HSD17B13: variants seen among roughly 807,000 people sequenced by gnomAD.
HSD17B13 encodes the protein hydroxysteroid 17-beta dehydrogenase 13.
HSD17B13 carries 26 observed loss-of-function variants against 31.1 expected under a neutral mutation model. That is an observed-to-expected ratio of 0.84 (90% CI 0.61 to 1.16). The LOEUF (loss-of-function observed/expected upper bound fraction) is 1.16. Ranked by LOEUF, HSD17B13 falls within the 50% of genes most tolerant of loss-of-function variation. HSD17B13 has a pLI of 0.00. For synonymous variants in HSD17B13, 141 were observed against 133.7 expected (o/e 1.05, Z -0.38); for missense variants, 374 against 366.5 (o/e 1.02, Z -0.17).
intron 6 of HSD17B13, among the ~76,000 whole-genome samples, chr4:87,308,868 T>C (rs1734454339): frequency 7.6e-6 from 1 of 131,418 alleles, no homozygotes; most frequent in South Asian, 2.3e-4. Context: ...ATGTAGCTAT[T>C]AAAGAAATTA....
chr4:87,320,249 T>G (rs1369005925), intron 1 of HSD17B13, among the ~76,000 whole-genome samples: 1 of 152,146 alleles, frequency 6.6e-6, no homozygotes, highest in Non-Finnish European at 1.5e-5. Context: ...TTTCACTGAT[T>G]TAGTTGGTAG....
rs57491954 is a variant in HSD17B13 at position 87,308,932 on chromosome 4, CA to C, written c.812+1310del. Among the ~76,000 whole-genome samples, 314 of 126,970 alleles carry C rather than the reference CA, an allele frequency of 2.5e-3. 5 individuals are homozygous for C. Among genetic ancestry groups the C allele is most frequent in the African/African-American group, 7.6e-3 (256 of 33,622 alleles). The allele number at this position is 126,970 out of a possible 152,430, so 83.3% of individuals were successfully genotyped here. On this transcript the variant is annotated intron_variant, in intron 6 of 6. Coordinates refer to ENST00000328546, the MANE Select transcript of HSD17B13 (RefSeq NM_178135.5). The stretch of plus-strand genomic sequence containing the variant: ...GAAAATTAGAGGCCCAGGAATCTAC[CA>C]AAAAAAAAAAAGCTTATCGAGTTTA...
chr4:87,308,017 TG>T (rs1734430781), intron 6 of HSD17B13, among the ~76,000 whole-genome samples: 3 of 152,346 alleles, frequency 2.0e-5, no homozygotes, highest in Admixed American at 2.0e-4. Context: ...ATCTTCTCAC[TG>T]ATACAATTTC....
intron 3 of HSD17B13, 103 bp downstream of exon 3, chr4:87,316,989 G>C (rs1734662624): frequency 8.7e-7 from 1 of 1,153,904 alleles, no homozygotes; most frequent in South Asian, 1.4e-5. Context: ...TTAAGGCAAA[G>C]ATCTGGCCAG....
intron 5 of HSD17B13, among the ~76,000 whole-genome samples, 170 bp from the exon 6 acceptor site, chr4:87,310,529 T>C (rs953589190): frequency 1.3e-5 from 2 of 152,226 alleles, no homozygotes; most frequent in African/African-American, 4.8e-5. Flanking sequence ...CCACATCCCA[T>C]GTTGATGTTT....
At chr4:87,314,641 T>TCTCTCTTTCACA (rs373166006) in intron 4 of HSD17B13, among the ~76,000 whole-genome samples, 3 of 142,140 alleles carry the variant, frequency 2.1e-5, no homozygotes, top group African/African-American at 7.6e-5. Flanking sequence ...TCTCTCTCTC[T>TCTCTCTTTCACA]CACACACACA....
At chr4:87,313,690 A>G (rs1364159801) in intron 5 of HSD17B13, 133 bp downstream of exon 5, 7 of 625,920 alleles carry the variant, frequency 1.1e-5, no homozygotes, top group Admixed American at 3.5e-5. Context: ...ATTTCAAGAT[A>G]ATAATAATAA....
At chr4:87,305,484 T>TA (rs1734371806) in intron 6 of HSD17B13, among the ~76,000 whole-genome samples, 176 bp from the exon 7 acceptor site, 2 of 146,202 alleles carry the variant, frequency 1.4e-5, no homozygotes, top group South Asian at 4.2e-4. Flanking sequence ...TTCTTTTTCT[T>TA]TTTTTTTTTT....
At chr4:87,315,688 G>T in intron 3 of HSD17B13, 89 bp from the exon 4 acceptor site, 1 of 655,472 alleles carries the variant, frequency 1.5e-6, no homozygotes, top group East Asian at 2.7e-5. Flanking sequence ...AGACAGAAAG[G>T]CATTTGAGAG....
At position 87,305,180 on chromosome 4, in the gene HSD17B13, C is replaced by G. The variant is rs1308508250; in HGVS notation, c.*38G>C. 1 of 1,277,548 alleles carries G rather than the reference C, an allele frequency of 7.8e-7. No individual in the cohort carries two copies. The highest frequency in any genetic ancestry group is 1.3e-5 in the South Asian group (1 of 76,090). 79.1% of individuals were successfully genotyped at this position (1,277,548 alleles called of 1,614,324 possible). On this transcript the variant is annotated 3_prime_UTR_variant, in exon 7 of 7. Transcript: ENST00000328546. ...AGCATTGATTCGAAACTATTCATAT[C>G]ATTATCATGCATACATCTCTGGCTG...
rs754693984 is a variant in HSD17B13 at position 87,313,853 on chromosome 4, T to C, written c.665A>G (p.Asn222Ser). ...KTSCLCPVFV[N>S]TGFTKNPSTR... ...GCTTGGATTTTTGGTGAACCCAGTA[T>C]TCACAAAAACTGGGCAGAGACATGA... The change falls in exon 5 of 7, where the codon AAT (asparagine) becomes AGT (serine). Residue 222 changes from asparagine (N) to serine (S), a missense_variant. Asn to Ser is a conservative substitution (Grantham distance 46). Coordinates refer to ENST00000328546, the MANE Select transcript of HSD17B13 (RefSeq NM_178135.5). 5 of 1,612,622 alleles carry C rather than the reference T, an allele frequency of 3.1e-6. No homozygotes were observed. The African/African-American group carries it at 5.3e-5, about 17-fold the overall frequency.
At chr4:87,321,574 A>G (rs936873360) in intron 1 of HSD17B13, among the ~76,000 whole-genome samples, 1 of 152,200 alleles carries the variant, frequency 6.6e-6, no homozygotes, top group Admixed American at 6.5e-5. Context: ...TATCTTCCAG[A>G]AAGTTCATTC....
At chr4:87,307,829 G>C (rs1369657152) in intron 6 of HSD17B13, among the ~76,000 whole-genome samples, 1 of 152,056 alleles carries the variant, frequency 6.6e-6, no homozygotes, top group African/African-American at 2.4e-5. Flanking sequence ...ATGTTGCTTG[G>C]GGGTCAAGGT....
At chr4:87,320,633 C>G (rs1448289704) in intron 1 of HSD17B13, among the ~76,000 whole-genome samples, 1 of 152,078 alleles carries the variant, frequency 6.6e-6, no homozygotes, top group East Asian at 1.9e-4. Flanking sequence ...GTGATCCGCC[C>G]GTCTCGGCCT....
chr4:87,305,221 T>C lies in HSD17B13; in HGVS notation c.900A>G (p.Lys300=). The part of the protein sequence containing the change: ...EAVVGHKIKM[K] ...TCTCTGGCTGGAGCTTATTTATTCA[T>C]TTCATTTTGATTTTGTGGCCAACCA... Residue 300 remains lysine (K), a synonymous_variant, in exon 7 of 7, where the codon AAA becomes AAG. Coordinates refer to ENST00000328546, the MANE Select transcript of HSD17B13 (RefSeq NM_178135.5). 2.5e-6 allele frequency: 4 copies of C among 1,593,112 alleles called. No homozygotes were observed. The highest frequency in any genetic ancestry group is 3.4e-6 in the Non-Finnish European group (4 of 1,165,540).
At chr4:87,305,720 T>A (rs6828226) in intron 6 of HSD17B13, among the ~76,000 whole-genome samples, 6 of 141,712 alleles carry the variant, frequency 4.2e-5, no homozygotes, top group African/African-American at 1.9e-4. Flanking sequence ...TCTCAATAAA[T>A]AAATAAATAA....
chr4:87,306,576 G>C (rs1367245882), intron 6 of HSD17B13, among the ~76,000 whole-genome samples: 1 of 152,092 alleles, frequency 6.6e-6, no homozygotes, highest in Non-Finnish European at 1.5e-5. Context: ...AAGGACAACT[G>C]ATGTCCAGGA....
At chr4:87,307,214 G>A (rs1376025547) in intron 6 of HSD17B13, among the ~76,000 whole-genome samples, 1 of 151,882 alleles carries the variant, frequency 6.6e-6, no homozygotes, top group African/African-American at 2.4e-5. Context: ...TCTATAAAAG[G>A]AATTAAATGC....
intron 4 of HSD17B13, among the ~76,000 whole-genome samples, chr4:87,314,641 T>TCTCTCTCTCTCTCTCA (rs373166006): frequency 1.8e-4 from 25 of 142,140 alleles, no homozygotes; most frequent in African/African-American, 6.3e-4. Flanking sequence ...TCTCTCTCTC[T>TCTCTCTCTCTCTCTCA]CACACACACA....
Sources: allele counts gnomAD v4.1 joint callset (sites outside exome capture counted in the v4.1 genomes callset), GRCh38; gene constraint gnomAD v4.1.1; transcripts MANE v1.5; gene names NCBI Gene and HGNC (gene_info 2026-07-23, HGNC 2026-07-21).